Variants in SPATA6L observed in about 807,000 individuals in gnomAD.
SPATA6L encodes the protein spermatogenesis associated 6 like.
A neutral mutation model predicts 49.2 loss-of-function variants in SPATA6L; 68 were observed. That is an observed-to-expected ratio of 1.38 (90% CI 1.14 to 1.69). SPATA6L has a LOEUF of 1.69. Among genes scored for constraint, SPATA6L ranks in the 40% most tolerant of loss-of-function variants. The probability of loss-of-function intolerance (pLI) is 0.00; values close to 1 mark genes in which losing one functional copy is unlikely to be tolerated. For synonymous variants in SPATA6L, 198 were observed against 165.7 expected (o/e 1.19, Z -1.50); for missense variants, 668 against 464.3 (o/e 1.44, Z -4.03).
intron 9 of SPATA6L, among the ~76,000 whole-genome samples, chr9:4,606,960 G>C (rs1235393189): frequency 1.2e-4 from 17 of 146,324 alleles, no homozygotes; most frequent in Non-Finnish European, 2.2e-4. Context: ...GGAGCTGATG[G>C]AGCTGAAAAC....
At chr9:4,661,868 C>A (rs775864206) in intron 2 of SPATA6L, 31 bp downstream of exon 2, 4 of 1,610,368 alleles carry the variant, frequency 2.5e-6, no homozygotes, top group Non-Finnish European at 8.5e-7. Context: ...TATCTTCAGA[C>A]AACAAAAGCC....
At position 4,606,790 on chromosome 9, in the gene SPATA6L, C is replaced by T. The variant is rs1218795096; in HGVS notation, c.996-1350G>A. Among the ~76,000 whole-genome samples the T allele has an allele frequency of 4.7e-3, 686 of 147,064 alleles. 6 individuals carry two copies. Among genetic ancestry groups the T allele is most frequent in the African/African-American group, 0.016 (608 of 39,040 alleles). On this transcript the variant is annotated intron_variant, in intron 9 of 11. Coordinates refer to ENST00000682582, the MANE Select transcript of SPATA6L (RefSeq NM_001353486.2). ...TCACCAGCAATGGAACAAAGCTGGA[C>T]GGAGAACGACTTCGACGAGCTGAGA...
Position 4,666,456 on chromosome 9 carries a change from T to C in SPATA6L, c.-206A>G. On this transcript the variant is annotated 5_prime_UTR_variant, in exon 1 of 12. Transcript: ENST00000682582. ...TCACACTCGAAGCTGGAGTGCAGGC[T>C]TCCAGAAGGCGGAAGCGTGGCGTTG... is the stretch of plus-strand genomic sequence containing the variant. 1.7e-6 allele frequency: 1 copy of C among 584,486 alleles called. No individual in the cohort carries two copies. Among genetic ancestry groups the C allele is most frequent in the Non-Finnish European group, 3.1e-6 (1 of 325,606 alleles). The allele number at this position is 584,486 out of a possible 1,614,324, so 36.2% of individuals were successfully genotyped here.
intron 4 of SPATA6L, among the ~76,000 whole-genome samples, chr9:4,629,448 G>C: frequency 6.6e-6 from 1 of 151,916 alleles, no homozygotes; most frequent in East Asian, 1.9e-4. Flanking sequence ...CTAAGACACA[G>C]TTTAAGTAAC....
chr9:4,596,684 A>T (rs577907874), downstream of SPATA6L, among the ~76,000 whole-genome samples: 1 of 152,206 alleles, frequency 6.6e-6, no homozygotes, highest in Non-Finnish European at 1.5e-5. Flanking sequence ...AATTGTTCCA[A>T]CTTCTGTCAA....
At chr9:4,607,768 T>G (rs1825672616) in intron 9 of SPATA6L, among the ~76,000 whole-genome samples, 1 of 152,176 alleles carries the variant, frequency 6.6e-6, no homozygotes, top group Non-Finnish European at 1.5e-5. Flanking sequence ...AACATCATCA[T>G]GACAGGATCA....
chr9:4,625,747 C>T (rs1830229008), intron 5 of SPATA6L, 181 bp from the exon 6 acceptor site: 4 of 441,802 alleles, frequency 9.1e-6, no homozygotes, highest in Non-Finnish European at 1.6e-5. Context: ...TTCAGTTTAA[C>T]ATCAGTAGTA....
In SPATA6L at chr9:4,606,770, A is replaced by G. The variant is rs1455034733; in HGVS notation, c.996-1330T>C. Reference sequence around the variant, plus strand: ...CTCCAAAGGAATGCAGTTCCTCACCAGCAATGGAACAAAGCTGGACGGAGA... The same window carrying G: ...CTCCAAAGGAATGCAGTTCCTCACCGGCAATGGAACAAAGCTGGACGGAGA... On this transcript the variant is annotated intron_variant, in intron 9 of 11. Coordinates refer to ENST00000682582, the MANE Select transcript of SPATA6L (RefSeq NM_001353486.2). Among the ~76,000 whole-genome samples, 8 of 148,122 alleles carry G rather than the reference A, an allele frequency of 5.4e-5. No homozygotes were observed. The East Asian group carries it at 1.4e-3, about 25-fold the overall frequency.
chr9:4,658,357 G>C (rs763379894), intron 2 of SPATA6L, among the ~76,000 whole-genome samples: 1 of 152,178 alleles, frequency 6.6e-6, no homozygotes, highest in South Asian at 2.1e-4. Context: ...TTACACAGAA[G>C]ATCCGAGGAA....
At chr9:4,604,028 G>C (rs1171545559) in intron 11 of SPATA6L, 151 bp downstream of exon 11, 1 of 554,758 alleles carries the variant, frequency 1.8e-6, no homozygotes, top group African/African-American at 1.9e-5. Flanking sequence ...ATCATACAGA[G>C]CAAGGGAAGA....
chr9:4,609,804 G>C (rs1325832456), intron 9 of SPATA6L, among the ~76,000 whole-genome samples: 1 of 151,384 alleles, frequency 6.6e-6, no homozygotes, highest in Non-Finnish European at 1.5e-5. Flanking sequence ...AGGGCAATTA[G>C]GCAGGAGAAG....
intron 9 of SPATA6L, among the ~76,000 whole-genome samples, chr9:4,612,723 C>T (rs1827064470): frequency 1.3e-5 from 2 of 152,200 alleles, no homozygotes; most frequent in African/African-American, 2.4e-5. Flanking sequence ...AGAGTAGGAA[C>T]TGAATAGCAC....
At chr9:4,657,622 G>A (rs1187083107) in intron 2 of SPATA6L, among the ~76,000 whole-genome samples, 1 of 152,084 alleles carries the variant, frequency 6.6e-6, no homozygotes, top group East Asian at 1.9e-4. Flanking sequence ...AAACTAGGCA[G>A]CACTCAGAAC....
intron 11 of SPATA6L, among the ~76,000 whole-genome samples, chr9:4,603,021 A>G (rs145274536): frequency 7.2e-5 from 11 of 152,352 alleles, no homozygotes; most frequent in African/African-American, 2.2e-4. Context: ...AGAAAAGAAT[A>G]TATGAGAAAC....
Position 4,666,435 on chromosome 9 carries a change from A to T in SPATA6L, c.-185T>A, listed in dbSNP as rs1840878725. ...CCTCCCACCGGGACGGGTCTCTCAC[A>T]CTCGAAGCTGGAGTGCAGGCTTCCA... is the stretch of plus-strand genomic sequence containing the variant. On this transcript the variant is annotated 5_prime_UTR_variant, in exon 1 of 12. Coordinates refer to ENST00000682582, the MANE Select transcript of SPATA6L (RefSeq NM_001353486.2). 3 of 633,082 alleles carry T rather than the reference A, an allele frequency of 4.7e-6. No individual in the cohort carries two copies. Among genetic ancestry groups the T allele is most frequent in the Non-Finnish European group, 8.5e-6 (3 of 351,774 alleles). The allele number at this position is 633,082 out of a possible 1,614,324, so 39.2% of individuals were successfully genotyped here. A position where few individuals can be genotyped will look rare whatever the true frequency, so the allele number is the denominator to read the frequency against.
intron 9 of SPATA6L, among the ~76,000 whole-genome samples, chr9:4,608,874 A>T (rs1825973219): frequency 6.6e-6 from 1 of 152,188 alleles, no homozygotes; most frequent in African/African-American, 2.4e-5. Flanking sequence ...TTTTGAAAGG[A>T]TCAACAAAAT....
intron 3 of SPATA6L, among the ~76,000 whole-genome samples, chr9:4,651,196 G>A (rs938446430): frequency 1.3e-5 from 2 of 151,936 alleles, no homozygotes; most frequent in Non-Finnish European, 1.5e-5. Context: ...TGTATGGATG[G>A]GGGCTCCCAT....
chr9:4,645,617 G>C (rs1285200291), intron 3 of SPATA6L, among the ~76,000 whole-genome samples: 3 of 152,174 alleles, frequency 2.0e-5, no homozygotes, highest in Non-Finnish European at 1.5e-5. Flanking sequence ...CACAATGGTA[G>C]AGCCCTCATT....
chr9:4,647,430 A>G (rs969380373), intron 3 of SPATA6L, among the ~76,000 whole-genome samples: 9 of 152,050 alleles, frequency 5.9e-5, no homozygotes, highest in African/African-American at 2.2e-4. Flanking sequence ...CGTGTCTACT[A>G]AAAATACAAA....
Sources: allele counts gnomAD v4.1 joint callset (sites outside exome capture counted in the v4.1 genomes callset), GRCh38; gene constraint gnomAD v4.1.1; transcripts MANE v1.5; gene names NCBI Gene and HGNC (gene_info 2026-07-23, HGNC 2026-07-21).